ZNF98: variants seen among roughly 807,000 people sequenced by gnomAD.
ZNF98 encodes zinc finger protein 739.
ZNF98 carries 8 observed loss-of-function variants against 12.8 expected under a neutral mutation model. The observed-to-expected ratio is 0.63, with a 90% CI of 0.37 to 1.13. ZNF98 has a LOEUF of 1.13. Among genes scored for constraint, ZNF98 ranks in the 50% most tolerant of loss-of-function variants. The pLI, the probability that ZNF98 is intolerant of heterozygous loss-of-function variation, is 0.01. For missense variants in ZNF98, 379 were observed against 666.1 expected (o/e 0.57, Z 4.74); for synonymous variants, 112 against 223.5 (o/e 0.50, Z 4.45).
intron 3 of ZNF98, among the ~76,000 whole-genome samples, chr19:22,402,175 C>CAAAAAAA (rs869111485): frequency 6.3e-4 from 38 of 60,468 alleles, no homozygotes; most frequent in African/African-American, 1.8e-3. Context: ...GACTCCATCT[C>CAAAAAAA]AAAAAAAAAA....
At chr19:22,417,224 C>G (rs1019571273) in intron 1 of ZNF98, among the ~76,000 whole-genome samples, 2 of 60,598 alleles carry the variant, frequency 3.3e-5, no homozygotes, top group Non-Finnish European at 5.5e-5. Context: ...AGCAAAACTC[C>G]ATCTCAAAAA....
At chr19:22,409,729 T>C (rs1290373293) in intron 1 of ZNF98, among the ~76,000 whole-genome samples, 2 of 151,874 alleles carry the variant, frequency 1.3e-5, no homozygotes, top group East Asian at 1.9e-4. Context: ...CTGGCCAATA[T>C]GGTGAGACCC....
intron 3 of ZNF98, among the ~76,000 whole-genome samples, chr19:22,393,590 T>C (rs1969357339): frequency 6.6e-6 from 1 of 151,964 alleles, no homozygotes; most frequent in Admixed American, 6.6e-5. Flanking sequence ...GGGGAAAGGA[T>C]TCCCTATTTA....
intron 1 of ZNF98, among the ~76,000 whole-genome samples, chr19:22,408,206 C>T (rs2145117544): frequency 6.6e-6 from 1 of 152,294 alleles, no homozygotes; most frequent in African/African-American, 2.4e-5. Flanking sequence ...ACATGATTAT[C>T]TCAATAGATG....
chr19:22,420,729 T>C (rs77924417), intron 1 of ZNF98, among the ~76,000 whole-genome samples: 2 of 147,156 alleles, frequency 1.4e-5, no homozygotes, highest in South Asian at 2.5e-4. Flanking sequence ...GAGACAGTAC[T>C]AAAACCCAGG....
chr19:22,402,843 G>C lies in ZNF98; in HGVS notation c.199C>G (p.Gln67Glu), dbSNP rs545824466. The C allele has an allele frequency of 6.3e-7, 1 of 1,589,496 alleles. No homozygotes were observed. The highest frequency in any genetic ancestry group is 8.5e-7 in the Non-Finnish European group (1 of 1,173,540). Residue 67 changes from glutamine (Q) to glutamate (E), a missense_variant, in exon 3 of 4, where the codon CAA (glutamine) becomes GAA (glutamate). Around this residue, in one of 8 missense-constraint regions of ZNF98, gnomAD observed 223 missense variants for 261.6 expected, o/e 0.85. Coordinates refer to ENST00000357774, the MANE Select transcript of ZNF98 (RefSeq NM_001098626.2). The part of the protein sequence containing the change: ...SKPDLITCLE[Q>E]GKEPWNVKRH... The stretch of plus-strand genomic sequence containing the variant: ...TTCACATTCCAAGGTTCTTTTCCTT[G>C]CTCCAGACAGGTGATCAGGTCTGGC...
intron 3 of ZNF98, among the ~76,000 whole-genome samples, chr19:22,396,468 A>T (rs1180383056): frequency 6.6e-6 from 1 of 152,148 alleles, no homozygotes; most frequent in East Asian, 1.9e-4. Context: ...GAAAATGAGA[A>T]ACAAAGATGC....
chr19:22,420,158 G>A (rs373578660), intron 1 of ZNF98, among the ~76,000 whole-genome samples: 4 of 152,010 alleles, frequency 2.6e-5, no homozygotes, highest in African/African-American at 4.8e-5. Context: ...GCTAGACTCC[G>A]TCTCAAAAAG....
chr19:22,403,265 A>C lies in ZNF98; in HGVS notation c.157+121T>G, dbSNP rs1294810174. ...ATAGACAAATCTTGAAGTTAAAAAA[A>C]AAAAACAAAAAAAAAAAACAGAGAT... On this transcript the variant is annotated intron_variant, in intron 2 of 3. Transcript: ENST00000357774. 1.7e-5 allele frequency: 22 copies of C among 1,281,620 alleles called. 1 individual carries two copies. Among genetic ancestry groups the C allele is most frequent in the Non-Finnish European group, 2.1e-5 (20 of 948,332 alleles). The allele number at this position is 1,281,620 out of a possible 1,614,324, so 79.4% of individuals were successfully genotyped here.
intron 1 of ZNF98, among the ~76,000 whole-genome samples, chr19:22,411,548 A>C (rs1184486399): frequency 1.3e-5 from 2 of 152,236 alleles, no homozygotes; most frequent in Non-Finnish European, 2.9e-5. Flanking sequence ...AATTAAAAAA[A>C]TAAATCTTTG....
At chr19:22,396,548 A>G (rs559552230) in intron 3 of ZNF98, among the ~76,000 whole-genome samples, 1 of 152,350 alleles carries the variant, frequency 6.6e-6, no homozygotes, top group South Asian at 2.1e-4. Flanking sequence ...ATGTATATAT[A>G]AAATTAACTT....
Position 22,422,219 on chromosome 19 carries a change from T to C in ZNF98, c.6A>G (p.Pro2=), listed in dbSNP as rs777046234. M[P]GPLGSLEMGV... is the part of the protein sequence containing the mutation. ...CCATTTCTAGGCTTCCAAGGGGTCCTGGCATCTTAGCTGTGGATTCCCAAT... is the reference window on the plus strand; with the variant it reads ...CCATTTCTAGGCTTCCAAGGGGTCCCGGCATCTTAGCTGTGGATTCCCAAT... Residue 2 remains proline (P), a synonymous_variant, in exon 1 of 4, where the codon CCA becomes CCG. Coordinates refer to ENST00000357774, the MANE Select transcript of ZNF98 (RefSeq NM_001098626.2). The C allele has an allele frequency of 1.2e-6, 2 of 1,612,696 alleles. No homozygotes were observed. Among genetic ancestry groups the C allele is most frequent in the Non-Finnish European group, 1.7e-6 (2 of 1,179,054 alleles).
chr19:22,412,968 G>T (rs968290976), intron 1 of ZNF98, among the ~76,000 whole-genome samples: 1 of 152,178 alleles, frequency 6.6e-6, no homozygotes, highest in Non-Finnish European at 1.5e-5. Flanking sequence ...CAGGAAAATG[G>T]AGTGAACCCA....
rs1460522396 is a variant in ZNF98 at position 22,422,339 on chromosome 19, A to C, written c.-115T>G. On this transcript the variant is annotated 5_prime_UTR_variant, in exon 1 of 4. Coordinates refer to ENST00000357774, the MANE Select transcript of ZNF98 (RefSeq NM_001098626.2). ...CCAGGAACTCCGGCTGCAGCGAGAG[A>C]CAAAGACCCCGCCACATCCCGGAAG... 2 of 1,301,058 alleles carry C rather than the reference A, an allele frequency of 1.5e-6. No homozygotes were observed. Among genetic ancestry groups the C allele is most frequent in the Non-Finnish European group, 2.2e-6 (2 of 910,960 alleles). The allele number at this position is 1,301,058 out of a possible 1,614,324, so 80.6% of individuals were successfully genotyped here.
chr19:22,422,078 TA>T, intron 1 of ZNF98, 116 bp downstream of exon 1: 1 of 1,327,664 alleles, frequency 7.5e-7, no homozygotes, highest in Non-Finnish European at 1.1e-6. Flanking sequence ...CAAGGAGAAC[TA>T]GGGGCACGGA....
chr19:22,395,121 G>A (rs1599383564), intron 3 of ZNF98, among the ~76,000 whole-genome samples: 1 of 146,586 alleles, frequency 6.8e-6, no homozygotes, highest in African/African-American at 2.5e-5. Flanking sequence ...GCAGTGGGCT[G>A]AGACCATGCC....
intron 1 of ZNF98, among the ~76,000 whole-genome samples, chr19:22,418,813 C>G (rs755582745): frequency 3.3e-5 from 5 of 152,192 alleles, no homozygotes; most frequent in Non-Finnish European, 5.9e-5. Flanking sequence ...ACCCAGGACG[C>G]AGAGGTTGCA....
chr19:22,396,804 G>T (rs553274353), intron 3 of ZNF98, among the ~76,000 whole-genome samples: 3 of 152,228 alleles, frequency 2.0e-5, no homozygotes, highest in African/African-American at 7.2e-5. Flanking sequence ...AAAACTCCAA[G>T]GAGACAAAAA....
chr19:22,401,103 TAAAAA>T (rs201737545), intron 3 of ZNF98, among the ~76,000 whole-genome samples: 1 of 104,630 alleles, frequency 9.6e-6, no homozygotes. Context: ...GTGGAATAAG[TAAAAA>T]AAAAAAAAAA....
Sources: gnomAD v4.1 joint callset for allele counts (sites outside exome capture counted in the v4.1 genomes callset) on GRCh38, gnomAD v4.1.1 for gene constraint, gnomAD v4.1.1 regional missense constraint, MANE v1.5 for transcripts, NCBI Gene and HGNC (gene_info 2026-07-23, HGNC 2026-07-21) for gene names.